NAA25: variants seen among roughly 807,000 people sequenced by gnomAD.
NAA25 encodes N-terminal acetyltransferase B complex subunit NAA25.
A neutral mutation model predicts 132.5 loss-of-function variants in NAA25; 30 were observed. The ratio of observed to expected loss-of-function variants is 0.23; its 90% CI spans 0.17 to 0.31. The LOEUF (loss-of-function observed/expected upper bound fraction) is 0.31, where lower values mean the gene tolerates loss of function less well. NAA25 is among the 10% of genes least tolerant of loss of function. NAA25 has a pLI of 1.00. For synonymous variants in NAA25, 359 were observed against 401.9 expected (o/e 0.89, Z 1.28); for missense variants, 771 against 1,150.4 (o/e 0.67, Z 4.77).
At position 112,087,665 on chromosome 12, in the gene NAA25, G is replaced by C; in HGVS notation, c.402+18C>G. 1.3e-6 allele frequency: 2 copies of C among 1,562,606 alleles called. No homozygotes were observed. The highest frequency in any genetic ancestry group is 1.8e-6 in the Non-Finnish European group (2 of 1,133,900). On this transcript the variant is annotated intron_variant, in intron 4 of 23. Transcript: ENST00000261745. ...AATAGTAAATCCCATAGCCCAGTAG[G>C]TTTGGGGATCAAATTACCTGTTGCA...
chr12:112,053,676 AGG>A lies in NAA25; in HGVS notation c.1629-21_1629-20del, dbSNP rs1353862475. The A allele has an allele frequency of 2.6e-6, 4 of 1,563,120 alleles. No homozygotes were observed. Among genetic ancestry groups the A allele is most frequent in the Admixed American group, 1.7e-5 (1 of 57,440 alleles). ...AAGATAACTAGATCAGAAGGAAAGAAGGAAAAAAAAAGACATGTTATACTTAC... is the reference window on the plus strand; with the variant it reads ...AAGATAACTAGATCAGAAGGAAAGAAAAAAAAAAAGACATGTTATACTTAC... On this transcript the variant is annotated intron_variant, in intron 14 of 23. Coordinates refer to ENST00000261745, the MANE Select transcript of NAA25 (RefSeq NM_024953.4).
chr12:112,077,808 T>C (rs1336290522), intron 7 of NAA25, among the ~76,000 whole-genome samples: 1 of 151,996 alleles, frequency 6.6e-6, no homozygotes, highest in African/African-American at 2.4e-5. Flanking sequence ...AAATTTTTTT[T>C]AAATAAAAAC....
chr12:112,052,749 A>C (rs559445225), intron 15 of NAA25, among the ~76,000 whole-genome samples: 1 of 152,358 alleles, frequency 6.6e-6, no homozygotes, highest in African/African-American at 2.4e-5. Flanking sequence ...CTTCCTTGCT[A>C]GTTCCTTAAT....
intron 1 of NAA25, among the ~76,000 whole-genome samples, chr12:112,101,820 T>C (rs774666842): frequency 4.0e-5 from 6 of 151,124 alleles, no homozygotes; most frequent in Admixed American, 1.3e-4. Context: ...AAAGAACCAG[T>C]GATTAGTGAT....
intron 10 of NAA25, 47 bp downstream of exon 10, chr12:112,071,848 G>GTCGAC: frequency 8.4e-7 from 1 of 1,194,558 alleles, no homozygotes; most frequent in African/African-American, 2.6e-5. Flanking sequence ...ATAGCACTTG[G>GTCGAC]GTATTAAGGG....
intron 7 of NAA25, among the ~76,000 whole-genome samples, chr12:112,076,919 C>T (rs138353007): frequency 2.8e-4 from 42 of 152,040 alleles, no homozygotes; most frequent in Non-Finnish European, 5.1e-4. Flanking sequence ...TAACTTAAAC[C>T]CAGGAGATCA....
chr12:112,078,032 AT>A (rs1451922641), intron 7 of NAA25, among the ~76,000 whole-genome samples, 155 bp downstream of exon 7: 1 of 152,144 alleles, frequency 6.6e-6, no homozygotes, highest in African/African-American at 2.4e-5. Flanking sequence ...ATTTTTAAAA[AT>A]AAATTTACAA....
rs959499940 is a variant in NAA25 at position 112,042,992 on chromosome 12, A to G, written c.2374+96T>C. On this transcript the variant is annotated intron_variant, in intron 19 of 23. Coordinates refer to ENST00000261745, the MANE Select transcript of NAA25 (RefSeq NM_024953.4). ...GCAGAACAGCTTCCAGCTTCCATGT[A>G]CTCTAAAATTTTCCAGATGTGAGGT... is the stretch of plus-strand genomic sequence containing the variant. The G allele has an allele frequency of 1.1e-5, 13 of 1,212,138 alleles. No individual in the cohort carries two copies. In the African/African-American group the frequency reaches 1.8e-4, roughly 17 times the overall value. The allele number at this position is 1,212,138 out of a possible 1,614,324, so 75.1% of individuals were successfully genotyped here.
chr12:112,052,669 G>A (rs1383475140), intron 15 of NAA25, among the ~76,000 whole-genome samples: 1 of 152,124 alleles, frequency 6.6e-6, no homozygotes, highest in Non-Finnish European at 1.5e-5. Context: ...TAGTCATCCT[G>A]TTACAGTAAA....
At chr12:112,100,559 T>G (rs2079278803) in intron 1 of NAA25, among the ~76,000 whole-genome samples, 1 of 152,062 alleles carries the variant, frequency 6.6e-6, no homozygotes, top group Non-Finnish European at 1.5e-5. Context: ...GGTTAAATCC[T>G]TTTAATGTCA....
chr12:112,060,819 T>C (rs1459856775), intron 12 of NAA25, among the ~76,000 whole-genome samples: 1 of 152,202 alleles, frequency 6.6e-6, no homozygotes, highest in African/African-American at 2.4e-5. Context: ...CTAAACTAAA[T>C]ATTTATCTTA....
At chr12:112,093,494 T>A (rs144493955) in intron 1 of NAA25, among the ~76,000 whole-genome samples, 157 of 152,008 alleles carry the variant, frequency 1.0e-3, no homozygotes, top group African/African-American at 3.7e-3. Flanking sequence ...TGACCTGAGA[T>A]CATGCCACTG....
chr12:112,096,657 TA>T (rs1314413391), intron 1 of NAA25, among the ~76,000 whole-genome samples: 4 of 152,184 alleles, frequency 2.6e-5, no homozygotes, highest in African/African-American at 9.6e-5. Context: ...CCTAAATACC[TA>T]AACATCTAAT....
chr12:112,084,648 G>A (rs1355016419), intron 4 of NAA25, among the ~76,000 whole-genome samples: 1 of 151,588 alleles, frequency 6.6e-6, no homozygotes, highest in Non-Finnish European at 1.5e-5. Flanking sequence ...AAATTAGCTG[G>A]GCTTAGTGGC....
At chr12:112,058,148 A>G (rs1270557689) in intron 13 of NAA25, among the ~76,000 whole-genome samples, 1 of 152,108 alleles carries the variant, frequency 6.6e-6, no homozygotes, top group Non-Finnish European at 1.5e-5. Context: ...CTCCATCCCA[A>G]AACAAACTAA....
intron 1 of NAA25, among the ~76,000 whole-genome samples, chr12:112,108,173 G>T (rs1462288636): frequency 6.6e-6 from 1 of 152,176 alleles, no homozygotes; most frequent in African/African-American, 2.4e-5. Context: ...TGGGAGCCTG[G>T]AATCTCGGGC....
intron 11 of NAA25, among the ~76,000 whole-genome samples, chr12:112,067,764 A>G (rs977306860): frequency 6.6e-6 from 1 of 152,178 alleles, no homozygotes; most frequent in African/African-American, 2.4e-5. Context: ...TTCACTCCGC[A>G]TAAATTCCTG....
intron 11 of NAA25, among the ~76,000 whole-genome samples, chr12:112,064,751 G>A (rs2078689092): frequency 1.3e-5 from 2 of 152,150 alleles, no homozygotes; most frequent in Admixed American, 1.3e-4. Flanking sequence ...TAGAATCGTT[G>A]AGGCTGGGTG....
chr12:112,065,790 C>G (rs1360039799), intron 11 of NAA25: 1 of 152,198 alleles, frequency 6.6e-6, no homozygotes, highest in South Asian at 2.1e-4. Flanking sequence ...AACTCACTGG[C>G]TCACTCTTAG....
Sources: gnomAD v4.1 joint callset for allele counts (sites outside exome capture counted in the v4.1 genomes callset) on GRCh38, gnomAD v4.1.1 for gene constraint, MANE v1.5 for transcripts, NCBI Gene and HGNC (gene_info 2026-07-23, HGNC 2026-07-21) for gene names.